CDH12: variants seen among roughly 807,000 people sequenced by gnomAD.
CDH12 encodes the protein cadherin 12, also known as cadherin-12.
A neutral mutation model predicts 74.1 loss-of-function variants in CDH12; 41 were observed. The observed-to-expected ratio is 0.55, with a 90% CI of 0.43 to 0.72. The LOEUF (loss-of-function observed/expected upper bound fraction) is 0.72. Ranked by LOEUF, CDH12 falls within the 30% of genes least tolerant of loss-of-function variation. The probability of loss-of-function intolerance (pLI) is 0.00; values close to 1 mark genes in which losing one functional copy is unlikely to be tolerated. For missense variants in CDH12, 945 were observed against 977.2 expected, an observed-to-expected ratio of 0.97 and a Z score of 0.44; for synonymous variants, 399 against 355.0, an observed-to-expected ratio of 1.12 and a Z score of -1.39.
intron 3 of CDH12, among the ~76,000 whole-genome samples, chr5:22,338,440 G>T (rs1372195485): frequency 1.3e-5 from 2 of 151,980 alleles, no homozygotes; most frequent in Non-Finnish European, 2.9e-5. Context: ...GTACTGAGAG[G>T]GTGGTGGGAA....
chr5:21,769,262 C>A (rs370960361), intron 11 of CDH12, among the ~76,000 whole-genome samples: 6 of 152,028 alleles, frequency 3.9e-5, no homozygotes, highest in Non-Finnish European at 1.5e-5. Context: ...GCATTGAAAT[C>A]AGACCCAAAT....
intron 11 of CDH12, 93 bp downstream of exon 11, chr5:21,783,265 C>A: frequency 8.5e-7 from 1 of 1,172,250 alleles, no homozygotes; most frequent in Non-Finnish European, 1.2e-6. Context: ...GCTGTCAGTC[C>A]AAAAATGAAA....
chr5:22,457,332 G>C (rs1439556513), intron 2 of CDH12, among the ~76,000 whole-genome samples: 2 of 151,962 alleles, frequency 1.3e-5, no homozygotes, highest in East Asian at 1.9e-4. Flanking sequence ...CTCTGAAGTT[G>C]GTTGGAGAGA....
At position 22,801,376 on chromosome 5, in the gene CDH12, T is replaced by G. The variant is rs114612643; in HGVS notation, c.-523+51682A>C. Among the ~76,000 whole-genome samples, 595 of 152,172 alleles carry G rather than the reference T, an allele frequency of 3.9e-3. 1 individual carries two copies. Among genetic ancestry groups the G allele is most frequent in the Non-Finnish European group, 6.6e-3 (449 of 67,988 alleles). On this transcript the variant is annotated intron_variant, in intron 1 of 14. Coordinates refer to ENST00000382254, the MANE Select transcript of CDH12 (RefSeq NM_004061.5). Reference sequence around the variant, plus strand: ...CATCAGCTAAGCAAAATGCCAGTTTTGGGACGCCTTGAAAGAGATTTTGTA... The same window carrying G: ...CATCAGCTAAGCAAAATGCCAGTTTGGGGACGCCTTGAAAGAGATTTTGTA...
chr5:22,756,676 T>G (rs1256336408), intron 1 of CDH12, among the ~76,000 whole-genome samples: 1 of 152,150 alleles, frequency 6.6e-6, no homozygotes. Context: ...ATTTAATTGT[T>G]ACTGGCCGGA....
At chr5:21,963,130 G>A (rs1240075557) in intron 6 of CDH12, among the ~76,000 whole-genome samples, 1 of 151,734 alleles carries the variant, frequency 6.6e-6, no homozygotes, top group Admixed American at 6.6e-5. Flanking sequence ...TAGATAGAGA[G>A]ATGATATAGA....
intron 1 of CDH12, among the ~76,000 whole-genome samples, chr5:22,753,221 G>A (rs1745686245): frequency 6.6e-6 from 1 of 151,870 alleles, no homozygotes; most frequent in Non-Finnish European, 1.5e-5. Context: ...CTATGAAACT[G>A]GAATATATTG....
intron 2 of CDH12, among the ~76,000 whole-genome samples, chr5:22,441,008 G>A (rs149780218): frequency 1.3e-3 from 196 of 152,248 alleles, no homozygotes; most frequent in African/African-American, 4.1e-3. Context: ...CAGAGTACAG[G>A]TTGGATTTTG....
intron 4 of CDH12, among the ~76,000 whole-genome samples, chr5:22,181,248 T>C (rs900361479): frequency 6.6e-6 from 1 of 152,204 alleles, no homozygotes; most frequent in Non-Finnish European, 1.5e-5. Context: ...TGAACAAATC[T>C]AATAAACATT....
At chr5:22,168,082 G>A (rs1473299255) in intron 4 of CDH12, among the ~76,000 whole-genome samples, 1 of 152,078 alleles carries the variant, frequency 6.6e-6, no homozygotes, top group African/African-American at 2.4e-5. Context: ...AGAGAAAGGT[G>A]GAAGTGTTTA....
intron 1 of CDH12, among the ~76,000 whole-genome samples, chr5:22,635,325 C>T (rs1399090368): frequency 6.6e-6 from 1 of 151,996 alleles, no homozygotes; most frequent in South Asian, 2.1e-4. Flanking sequence ...TCATTCTCAA[C>T]CTAGATTCAA....
intron 6 of CDH12, among the ~76,000 whole-genome samples, chr5:21,857,753 G>C (rs1390156531): frequency 6.6e-6 from 1 of 151,788 alleles, no homozygotes; most frequent in African/African-American, 2.4e-5. Flanking sequence ...GATCCGATTT[G>C]GATATTGTAT....
intron 1 of CDH12, among the ~76,000 whole-genome samples, chr5:22,818,254 C>G (rs1749490811): frequency 6.6e-6 from 1 of 152,160 alleles, no homozygotes; most frequent in Non-Finnish European, 1.5e-5. Flanking sequence ...CCTGGCATCT[C>G]TTCCTCATTA....
chr5:21,926,120 A>G (rs1754574562), intron 6 of CDH12, among the ~76,000 whole-genome samples: 1 of 152,130 alleles, frequency 6.6e-6, no homozygotes, highest in South Asian at 2.1e-4. Flanking sequence ...CACGTCAGAC[A>G]CTTTGATGTG....
rs1471871574 is a variant in CDH12 at position 21,779,179 on chromosome 5, AAGTTATGTTT to A, written c.1393+4169_1393+4178del. The A allele has an allele frequency of 1.3e-5, 2 of 151,960 alleles. 1 individual carries two copies. Among genetic ancestry groups the A allele is most frequent in the Non-Finnish European group, 2.9e-5 (2 of 67,990 alleles). 9.4% of individuals were successfully genotyped at this position (151,960 alleles called of 1,614,324 possible). A position where few individuals can be genotyped will look rare whatever the true frequency, so the allele number is the denominator to read the frequency against. ...TAAAATATATTCTAAGGATTTAGTG[AAGTTATGTTT>A]AGTTATATTTATTTATTTATTCACT... On this transcript the variant is annotated intron_variant, in intron 11 of 14. Transcript: ENST00000382254.
intron 6 of CDH12, among the ~76,000 whole-genome samples, chr5:21,880,631 CTTTCTT>C (rs1561268596): frequency 1.3e-4 from 11 of 84,994 alleles, no homozygotes; most frequent in African/African-American, 4.3e-4. Context: ...TTCTTTCTTT[CTTTCTT>C]TCTTTCTTTC....
At chr5:22,701,243 C>G (rs371790265) in intron 1 of CDH12, among the ~76,000 whole-genome samples, 1 of 152,068 alleles carries the variant, frequency 6.6e-6, no homozygotes, top group African/African-American at 2.4e-5. Flanking sequence ...TACTATTACT[C>G]TCTAAGTTCT....
intron 5 of CDH12, among the ~76,000 whole-genome samples, chr5:21,977,165 G>C (rs575485105): frequency 6.6e-6 from 1 of 152,102 alleles, no homozygotes; most frequent in African/African-American, 2.4e-5. Context: ...GCAACAATAA[G>C]AGGGAACAAG....
At chr5:22,589,753 T>G (rs1263599823) in intron 1 of CDH12, among the ~76,000 whole-genome samples, 3 of 152,214 alleles carry the variant, frequency 2.0e-5, no homozygotes, top group Non-Finnish European at 4.4e-5. Context: ...CCTGAAGATG[T>G]GGTTCTCAGT....
Sources: allele counts gnomAD v4.1 joint callset (sites outside exome capture counted in the v4.1 genomes callset), GRCh38; gene constraint gnomAD v4.1.1; transcripts MANE v1.5; gene names NCBI Gene and HGNC (gene_info 2026-07-23, HGNC 2026-07-21).